CNR2: variants seen among roughly 807,000 people sequenced by gnomAD.
CNR2 encodes cannabinoid receptor 2.
For missense variants in CNR2, 379 were observed against 439.9 expected (o/e 0.86, Z 1.24); for synonymous variants, 172 against 182.2 (o/e 0.94, Z 0.45).
chr1:23,886,315 C>T (rs1476632081), intron 1 of CNR2, among the ~76,000 whole-genome samples: 1 of 152,058 alleles, frequency 6.6e-6, no homozygotes, highest in African/African-American at 2.4e-5. Context: ...TCTGCATAAC[C>T]CCTGTTTATA....
At chr1:23,910,690 A>G (rs1415855516) in intron 1 of CNR2, among the ~76,000 whole-genome samples, 1 of 150,906 alleles carries the variant, frequency 6.6e-6, no homozygotes, top group African/African-American at 2.4e-5. Context: ...GAAAGAAAAG[A>G]AAAGAAAACA....
In CNR2 at chr1:23,880,635, G is replaced by A. The variant is rs549132788; in HGVS notation, c.-45-4973C>T. Among the ~76,000 whole-genome samples the A allele has an allele frequency of 1.3e-3, 193 of 151,930 alleles. 2 individuals carry two copies. Among genetic ancestry groups the A allele is most frequent in the African/African-American group, 4.5e-3 (188 of 41,500 alleles). On this transcript the variant is annotated intron_variant, in intron 1 of 1. Coordinates refer to ENST00000374472, the MANE Select transcript of CNR2 (RefSeq NM_001841.3). ...GGCTGGAGTGCAATGGCGCGATCTT[G>A]GCTCATTGCAACCTCCGCCTCCAGG... is the stretch of plus-strand genomic sequence containing the variant.
intron 1 of CNR2, among the ~76,000 whole-genome samples, chr1:23,911,048 C>T (rs1442838351): frequency 2.0e-5 from 3 of 151,530 alleles, no homozygotes; most frequent in African/African-American, 4.9e-5. Context: ...TCTCGTGGCT[C>T]GGGGACTTTT....
chr1:23,902,248 G>T lies in CNR2; in HGVS notation c.-46+10998C>A, dbSNP rs1640413110. The T allele has an allele frequency of 4.4e-6, 6 of 1,363,132 alleles. No homozygotes were observed. The Admixed American group carries it at 7.9e-5, about 18-fold the overall frequency. 84.4% of individuals were successfully genotyped at this position (1,363,132 alleles called of 1,614,324 possible). ...CGAGTGACAATGATCTCCAACGTCT[G>T]CCGGTCCATCTCACAGAAGCCTTGG... On this transcript the variant is annotated intron_variant, in intron 1 of 1. Coordinates refer to ENST00000374472, the MANE Select transcript of CNR2 (RefSeq NM_001841.3).
chr1:23,886,102 T>C (rs1640084605), intron 1 of CNR2, among the ~76,000 whole-genome samples: 1 of 146,154 alleles, frequency 6.8e-6, no homozygotes, highest in Non-Finnish European at 1.5e-5. Context: ...GGCAGGAGAA[T>C]CACTTGAACC....
At chr1:23,899,986 GA>G (rs1557532807) in intron 1 of CNR2, among the ~76,000 whole-genome samples, 18 of 15,272 alleles carry the variant, frequency 1.2e-3, no homozygotes, top group Admixed American at 2.4e-3. Context: ...AAGAAAGAAA[GA>G]AAAGAAAGAA....
intron 1 of CNR2, among the ~76,000 whole-genome samples, chr1:23,903,970 C>A (rs779624095): frequency 6.6e-6 from 1 of 152,158 alleles, no homozygotes; most frequent in Non-Finnish European, 1.5e-5. Context: ...CTGGCTCCTG[C>A]GGCTTTCTCC....
intron 1 of CNR2, chr1:23,901,963 G>A (rs2148469393): frequency 6.2e-7 from 1 of 1,604,600 alleles, no homozygotes; most frequent in South Asian, 1.1e-5. Flanking sequence ...GGAAGTCCAG[G>A]CGGGGCTTGT....
intron 1 of CNR2, among the ~76,000 whole-genome samples, chr1:23,910,257 G>A (rs984016331): frequency 1.3e-5 from 2 of 149,046 alleles, no homozygotes; most frequent in African/African-American, 4.9e-5. Flanking sequence ...CACCATGCCC[G>A]GCCCCTTGGA....
chr1:23,877,489 G>T (rs1639905490), intron 1 of CNR2, among the ~76,000 whole-genome samples: 1 of 151,976 alleles, frequency 6.6e-6, no homozygotes, highest in Non-Finnish European at 1.5e-5. Flanking sequence ...CAAAAAATTA[G>T]CTGGGCATGG....
At chr1:23,907,180 A>C (rs1252930502) in intron 1 of CNR2, 1 of 151,992 alleles carries the variant, frequency 6.6e-6, no homozygotes, top group East Asian at 1.9e-4. Flanking sequence ...GGATCACCTG[A>C]GGTCAGGAAT....
rs150347481 is a variant in CNR2, at chr1:23,886,722, T to C, written c.-45-11060A>G. Among the ~76,000 whole-genome samples, 18 of 152,252 alleles carry C rather than the reference T, an allele frequency of 1.2e-4. No individual in the cohort carries two copies. In the East Asian group the frequency reaches 2.3e-3, roughly 20 times the overall value. On this transcript the variant is annotated intron_variant, in intron 1 of 1. Transcript: ENST00000374472. ...CTAATCCAACGCCATCATTTTGCCA[T>C]CCAGAAAACAGTCCAAGAATGGGGA...
chr1:23,894,238 T>C (rs529885174), intron 1 of CNR2, among the ~76,000 whole-genome samples: 2 of 148,766 alleles, frequency 1.3e-5, no homozygotes, highest in East Asian at 4.1e-4. Context: ...CTGACCAACA[T>C]GGTGAAACTT....
chr1:23,901,441 C>T lies in CNR2; in HGVS notation c.-46+11805G>A, dbSNP rs147872353. 1.7e-4 allele frequency: 255 copies of T among 1,524,212 alleles called. No individual in the cohort carries two copies. In the African/African-American group the frequency reaches 3.1e-3, roughly 18 times the overall value. 94.4% of individuals were successfully genotyped at this position (1,524,212 alleles called of 1,614,324 possible). On this transcript the variant is annotated intron_variant, in intron 1 of 1. Transcript: ENST00000374472. ...TGTCCTGATTTCCCCTCCATCCACT[C>T]GCCGACCTGCTGCAGCCTCCCCGGG...
chr1:23,883,314 T>A (rs1213057123), intron 1 of CNR2, among the ~76,000 whole-genome samples: 1 of 152,286 alleles, frequency 6.6e-6, no homozygotes, highest in East Asian at 1.9e-4. Context: ...CTGGTGAAGT[T>A]GACGATACAT....
intron 1 of CNR2, among the ~76,000 whole-genome samples, chr1:23,893,788 T>A (rs2502969): frequency 1.3e-5 from 2 of 152,108 alleles, no homozygotes; most frequent in Admixed American, 1.3e-4. Context: ...TATTATTTTC[T>A]GTATTTTATA....
At chr1:23,893,360 C>A (rs1003949281) in intron 1 of CNR2, among the ~76,000 whole-genome samples, 7 of 152,234 alleles carry the variant, frequency 4.6e-5, no homozygotes, top group African/African-American at 1.7e-4. Flanking sequence ...GGAAACATCA[C>A]TGAGTTCAAA....
rs71575781 is a variant in CNR2, at chr1:23,894,641, T to TAAAAAAA, written c.-46+18604_-46+18605insTTTTTTT. On this transcript the variant is annotated intron_variant, in intron 1 of 1. Transcript: ENST00000374472. ...ACACCGTGAAACCCCATCTGTATTA[T>TAAAAAAA]AAATAATAATAATAAAAAAATCAGC... Among the ~76,000 whole-genome samples, 8 of 110,146 alleles carry TAAAAAAA rather than the reference T, an allele frequency of 7.3e-5. 1 individual carries two copies. The highest frequency in any genetic ancestry group is 5.4e-5 in the Non-Finnish European group (3 of 56,056). 72.3% of individuals were successfully genotyped at this position (110,146 alleles called of 152,430 possible).
Position 23,875,517 on chromosome 1 carries a change from G to A in CNR2, c.101C>T (p.Thr34Ile). The A allele has an allele frequency of 6.2e-7, 1 of 1,614,138 alleles. No homozygotes were observed. Among genetic ancestry groups the A allele is most frequent in the Non-Finnish European group, 8.5e-7 (1 of 1,180,036 alleles). The change falls in exon 2 of 2, where the codon ACA becomes ATA. Residue 34 changes from threonine (T) to isoleucine (I), a missense_variant. Physicochemically the swap from Thr to Ile is moderately conservative, Grantham distance 89. Coordinates refer to ENST00000374472, the MANE Select transcript of CNR2 (RefSeq NM_001841.3). Reference sequence around the variant, plus strand: ...AAGAGTGCACAACACAGCAACAGCTGTCTTCTGGGGACCACTCAGGATCAT... The same window carrying A: ...AAGAGTGCACAACACAGCAACAGCTATCTTCTGGGGACCACTCAGGATCAT... ...DYMILSGPQK[T>I]AVAVLCTLLG...
Sources: allele counts gnomAD v4.1 joint callset (sites outside exome capture counted in the v4.1 genomes callset), GRCh38; gene constraint gnomAD v4.1.1; transcripts MANE v1.5; gene names NCBI Gene and HGNC (gene_info 2026-07-23, HGNC 2026-07-21).